Variants in TAPT1 observed in about 807,000 individuals in gnomAD.
TAPT1 encodes the protein transmembrane anterior posterior transformation 1, also known as transmembrane anterior posterior transformation protein 1 homolog.
Under a neutral mutation model 65.6 loss-of-function variants are expected in TAPT1, and 28 were observed. The ratio of observed to expected loss-of-function variants is 0.43; its 90% confidence interval spans 0.32 to 0.59. TAPT1 has a LOEUF of 0.59. Among genes scored for constraint, TAPT1 ranks in the 20% least tolerant of loss-of-function variants. TAPT1 has a pLI of 0.09. For synonymous variants in TAPT1, 278 were observed against 245.2 expected (o/e 1.13, Z -1.25); for missense variants, 563 against 679.9 (o/e 0.83, Z 1.91).
At chr4:16,174,404 T>C (rs1748197786) in intron 10 of TAPT1, 132 bp from the exon 11 acceptor site, 5 of 800,104 alleles carry the variant, frequency 6.2e-6, no homozygotes, top group Non-Finnish European at 9.8e-6. Flanking sequence ...CTGGCACTTA[T>C]AAAATGATGT....
chr4:16,178,627 CGTA>C (rs1201387134), intron 8 of TAPT1, among the ~76,000 whole-genome samples: 9 of 152,230 alleles, frequency 5.9e-5, no homozygotes, highest in African/African-American at 2.2e-4. Context: ...CTACAAATGT[CGTA>C]GTATTTTTTA....
intron 13 of TAPT1, among the ~76,000 whole-genome samples, chr4:16,165,751 T>C (rs1039651962): frequency 1.3e-5 from 2 of 152,010 alleles, no homozygotes; most frequent in Non-Finnish European, 2.9e-5. Context: ...ACTGCATAAC[T>C]TCCTCACCAG....
At chr4:16,220,747 CAAAA>C (rs1265447676) in intron 1 of TAPT1, among the ~76,000 whole-genome samples, 1 of 102,512 alleles carries the variant, frequency 9.8e-6, no homozygotes. Flanking sequence ...GACTCTATCT[CAAAA>C]AAAAAAAAAA....
intron 1 of TAPT1, among the ~76,000 whole-genome samples, chr4:16,223,584 A>G (rs1233373415): frequency 6.6e-6 from 1 of 152,242 alleles, no homozygotes; most frequent in African/African-American, 2.4e-5. Flanking sequence ...CATCTGAGAC[A>G]TGCGTCAGCC....
At chr4:16,205,864 G>A (rs1750312691) in intron 2 of TAPT1, among the ~76,000 whole-genome samples, 1 of 152,108 alleles carries the variant, frequency 6.6e-6, no homozygotes, top group Non-Finnish European at 1.5e-5. Flanking sequence ...TAGGTTCCAA[G>A]GTATCCTTGT....
intron 6 of TAPT1, 76 bp from the exon 7 acceptor site, chr4:16,186,680 C>T (rs981621323): frequency 3.3e-5 from 45 of 1,364,968 alleles, no homozygotes; most frequent in East Asian, 1.2e-4. Context: ...ATAAAACTTC[C>T]GGGAGAACAA....
At chr4:16,177,054 A>G (rs1483271554) in intron 8 of TAPT1, among the ~76,000 whole-genome samples, 1 of 152,204 alleles carries the variant, frequency 6.6e-6, no homozygotes, top group Non-Finnish European at 1.5e-5. Context: ...GTCTATTCAA[A>G]TAAGACCTAG....
chr4:16,171,831 A>G (rs1455276831), intron 11 of TAPT1, among the ~76,000 whole-genome samples: 1 of 152,218 alleles, frequency 6.6e-6, no homozygotes, highest in Non-Finnish European at 1.5e-5. Flanking sequence ...TTCACCTAGC[A>G]TATTATCAGT....
intron 12 of TAPT1, 79 bp downstream of exon 12, chr4:16,170,574 T>A (rs1747929200): frequency 1.6e-5 from 16 of 996,580 alleles, no homozygotes; most frequent in Non-Finnish European, 2.5e-5. Context: ...GTAGTATGAT[T>A]GGGATGCTAC....
chr4:16,213,522 A>G (rs1198245662), intron 2 of TAPT1, among the ~76,000 whole-genome samples: 1 of 152,224 alleles, frequency 6.6e-6, no homozygotes, highest in Non-Finnish European at 1.5e-5. Context: ...ATTTTGATGT[A>G]GCACACAATG....
intron 8 of TAPT1, chr4:16,179,283 T>C (rs1014965499): frequency 3.8e-6 from 1 of 264,218 alleles, no homozygotes; most frequent in African/African-American, 2.3e-5. Flanking sequence ...GCAGGCAAAC[T>C]GTGACACAAT....
intron 2 of TAPT1, 22 bp from the exon 3 acceptor site, chr4:16,202,602 A>AG (rs1750104114): frequency 1.6e-6 from 2 of 1,274,870 alleles, no homozygotes; most frequent in Admixed American, 5.2e-5. Context: ...CAAGGAGAGA[A>AG]GAAAAAAAAA....
Position 16,176,152 on chromosome 4 carries a change from G to A in TAPT1, c.1074C>T (p.Ala358=). The A allele has an allele frequency of 1.3e-6, 2 of 1,566,440 alleles. No individual in the cohort carries two copies. The highest frequency in any genetic ancestry group is 1.4e-5 in the African/African-American group (1 of 73,952). The stretch of plus-strand genomic sequence containing the variant: ...TAATGTCATTGAATTTAGTAATAAA[G>A]GCATGTTTTACAATATCCACGGCAA... ...SEIAVDIVKH[A]FITKFNDITA... Residue 358 remains alanine, a synonymous_variant, in exon 9 of 14, where the codon GCC becomes GCT. Coordinates refer to ENST00000405303, the MANE Select transcript of TAPT1 (RefSeq NM_153365.3).
intron 1 of TAPT1, among the ~76,000 whole-genome samples, chr4:16,216,387 T>C (rs143969918): frequency 5.3e-4 from 80 of 152,376 alleles, no homozygotes; most frequent in African/African-American, 1.9e-3. Flanking sequence ...ACATGCTTTG[T>C]TTCCTATAGA....
chr4:16,199,361 T>C (rs1333146945), intron 3 of TAPT1, among the ~76,000 whole-genome samples: 2 of 152,122 alleles, frequency 1.3e-5, no homozygotes, highest in East Asian at 3.9e-4. Flanking sequence ...GCTATAAAAC[T>C]TTGAAAAAAG....
intron 2 of TAPT1, 122 bp downstream of exon 2, chr4:16,213,646 C>T (rs1397469846): frequency 2.3e-6 from 2 of 855,810 alleles, no homozygotes; most frequent in African/African-American, 3.6e-5. Context: ...ATTTCTACTC[C>T]CCCAATAACA....
upstream of TAPT1, chr4:16,226,601 C>A (rs1215529928): frequency 1.3e-5 from 6 of 462,270 alleles, no homozygotes; most frequent in Non-Finnish European, 1.7e-5. Context: ...CCGGCGCGAG[C>A]CATTGGCGTC....
In TAPT1 at chr4:16,177,586, G is replaced by GT. The variant is rs201097155; in HGVS notation, c.998-1359dup. Among the ~76,000 whole-genome samples the GT allele has an allele frequency of 1.3e-4, 19 of 150,144 alleles. 1 individual carries two copies. Among genetic ancestry groups the GT allele is most frequent in the East Asian group, 1.2e-3 (6 of 5,140 alleles). On this transcript the variant is annotated intron_variant, in intron 8 of 13. Coordinates refer to ENST00000405303, the MANE Select transcript of TAPT1 (RefSeq NM_153365.3). ...CTAACTGCTATATGACCTTGGACAA[G>GT]TTTTTTTTTTAATCCACATCACTAG... is the stretch of plus-strand genomic sequence containing the variant.
rs578073367 is a variant in TAPT1, at chr4:16,187,878, A to G, written c.748+342T>C. Among the ~76,000 whole-genome samples the G allele has an allele frequency of 2.0e-5, 3 of 152,324 alleles. No individual in the cohort carries two copies. The South Asian group carries it at 6.2e-4, about 32-fold the overall frequency. On this transcript the variant is annotated intron_variant, in intron 5 of 13. Transcript: ENST00000405303. Reference sequence around the variant, plus strand: ...AAAAGAATTCCTGGATTTAAAGATAACTTCAAGAAAAATTCTAACATAAGT... The same window carrying G: ...AAAAGAATTCCTGGATTTAAAGATAGCTTCAAGAAAAATTCTAACATAAGT...
Sources: allele counts gnomAD v4.1 joint callset (sites outside exome capture counted in the v4.1 genomes callset), GRCh38; gene constraint gnomAD v4.1.1; transcripts MANE v1.5; gene names NCBI Gene and HGNC (gene_info 2026-07-23, HGNC 2026-07-21).